The following FRMD3 variants were observed in gnomAD, a reference collection of about 807,000 sequenced individuals.
FRMD3 encodes FERM domain-containing protein 3.
In FRMD3, 33 loss-of-function variants were observed where a neutral mutation model predicts 70.2. That is an observed-to-expected ratio of 0.47 (90% CI 0.36 to 0.63). FRMD3 has a LOEUF of 0.63. FRMD3 is among the 20% of genes least tolerant of loss of function. The pLI is 0.00. For synonymous variants in FRMD3, 279 were observed against 255.9 expected (o/e 1.09, Z -0.86); for missense variants, 632 against 711.4 (o/e 0.89, Z 1.27).
intron 1 of FRMD3, among the ~76,000 whole-genome samples, chr9:83,419,846 T>A (rs1053504888): frequency 6.6e-6 from 1 of 152,244 alleles, no homozygotes; most frequent in Non-Finnish European, 1.5e-5. Flanking sequence ...GTTGTTATTA[T>A]TGTCATTATT....
At chr9:83,479,062 C>G (rs920364221) in intron 1 of FRMD3, among the ~76,000 whole-genome samples, 1 of 151,926 alleles carries the variant, frequency 6.6e-6, no homozygotes, top group Admixed American at 6.6e-5. Flanking sequence ...AAAAACTATA[C>G]ATCAATAAGA....
At chr9:83,317,469 C>T (rs1388190479) in intron 6 of FRMD3, among the ~76,000 whole-genome samples, 2 of 152,120 alleles carry the variant, frequency 1.3e-5, no homozygotes, top group Non-Finnish European at 2.9e-5. Flanking sequence ...CATTCTACCA[C>T]CCACTAATAA....
intron 1 of FRMD3, among the ~76,000 whole-genome samples, chr9:83,397,813 A>G (rs1305035318): frequency 6.6e-6 from 1 of 152,190 alleles, no homozygotes; most frequent in Non-Finnish European, 1.5e-5. Flanking sequence ...ACCTGGAAGG[A>G]AGAATCCAAT....
At chr9:83,336,379 C>A (rs1462364508) in intron 5 of FRMD3, among the ~76,000 whole-genome samples, 1 of 151,008 alleles carries the variant, frequency 6.6e-6, no homozygotes, top group Non-Finnish European at 1.5e-5. Context: ...TTTCCAAATG[C>A]TCCCCAGGAT....
chr9:83,320,085 A>C (rs1835736195), intron 6 of FRMD3, among the ~76,000 whole-genome samples: 1 of 152,194 alleles, frequency 6.6e-6, no homozygotes, highest in Admixed American at 6.5e-5. Context: ...TCTAGATAGA[A>C]ACCATACCAT....
chr9:83,243,402 C>CTT (rs1831945038), downstream of FRMD3, among the ~76,000 whole-genome samples: 1 of 152,218 alleles, frequency 6.6e-6, no homozygotes, highest in African/African-American at 2.4e-5. Context: ...CTCCCCAGTA[C>CTT]TTTTTCTCCA....
At chr9:83,517,494 C>CAAAAAAAAAAAAAAAAAAAAAAAA (rs59178344) in intron 1 of FRMD3, among the ~76,000 whole-genome samples, 1 of 65,524 alleles carries the variant, frequency 1.5e-5, no homozygotes, top group Non-Finnish European at 2.7e-5. Flanking sequence ...CCTACCAATC[C>CAAAAAAAAAAAAAAAAAAAAAAAA]AAAAAAAAAA....
intron 6 of FRMD3, among the ~76,000 whole-genome samples, chr9:83,333,472 C>T (rs1823465048): frequency 6.6e-6 from 1 of 152,200 alleles, no homozygotes; most frequent in African/African-American, 2.4e-5. Context: ...GCCCAGGGTC[C>T]AAGCTACAGC....
intron 1 of FRMD3, among the ~76,000 whole-genome samples, chr9:83,471,547 G>A (rs1406359181): frequency 6.6e-6 from 1 of 152,178 alleles, no homozygotes; most frequent in East Asian, 1.9e-4. Flanking sequence ...AAGGCTGGAT[G>A]AGCAGGTCCA....
intron 1 of FRMD3, among the ~76,000 whole-genome samples, chr9:83,510,004 C>A (rs1011166075): frequency 1.3e-5 from 2 of 152,066 alleles, no homozygotes; most frequent in African/African-American, 2.4e-5. Context: ...TGCTTTAAAT[C>A]TTCATTTTTC....
intron 1 of FRMD3, among the ~76,000 whole-genome samples, chr9:83,397,292 T>G (rs910228523): frequency 6.6e-6 from 1 of 152,194 alleles, no homozygotes; most frequent in Admixed American, 6.5e-5. Context: ...CTCAATTCCC[T>G]GATCACTGGA....
the FRMD3 span, among the ~76,000 whole-genome samples, chr9:83,551,141 G>T: frequency 6.6e-6 from 1 of 151,996 alleles, no homozygotes; most frequent in Non-Finnish European, 1.5e-5. Flanking sequence ...TTTTTCTGGG[G>T]TATGTTCTTT....
chr9:83,354,719 C>T (rs1824279846), intron 3 of FRMD3, among the ~76,000 whole-genome samples: 1 of 151,976 alleles, frequency 6.6e-6, no homozygotes, highest in Non-Finnish European at 1.5e-5. Context: ...GTATAAAAAT[C>T]AAAATAAATA....
At chr9:83,551,911 A>T in the FRMD3 span, among the ~76,000 whole-genome samples, 2 of 95,314 alleles carry the variant, frequency 2.1e-5, no homozygotes, top group African/African-American at 6.8e-5. Context: ...GATTTTTTTC[A>T]AAAAAAAAAA....
At chr9:83,343,850 G>A (rs997030151) in intron 4 of FRMD3, among the ~76,000 whole-genome samples, 1 of 152,046 alleles carries the variant, frequency 6.6e-6, no homozygotes, top group Non-Finnish European at 1.5e-5. Flanking sequence ...CTCCAGGGAT[G>A]GCACACTCAG....
chr9:83,512,573 T>C (rs1190047241), intron 1 of FRMD3, among the ~76,000 whole-genome samples: 3 of 152,180 alleles, frequency 2.0e-5, no homozygotes, highest in Admixed American at 6.5e-5. Flanking sequence ...GAAATGACCG[T>C]AGGGACTACT....
intron 1 of FRMD3, among the ~76,000 whole-genome samples, chr9:83,432,184 C>A (rs1046262804): frequency 2.0e-5 from 3 of 152,316 alleles, no homozygotes; most frequent in African/African-American, 7.2e-5. Flanking sequence ...CTCTGGATGC[C>A]TAGCCTTGTC....
intron 1 of FRMD3, among the ~76,000 whole-genome samples, chr9:83,516,874 T>G (rs752234946): frequency 6.6e-6 from 1 of 152,184 alleles, no homozygotes; most frequent in South Asian, 2.1e-4. Context: ...GAATTTCTAC[T>G]GGGTAAATAA....
chr9:83,302,899 C>T (rs189540256), intron 10 of FRMD3, among the ~76,000 whole-genome samples: 15 of 152,260 alleles, frequency 9.9e-5, no homozygotes, highest in Admixed American at 8.5e-4. Context: ...TTCCACCCGC[C>T]GTCTCCCACT....
Sources: gnomAD v4.1 joint callset for allele counts (sites outside exome capture counted in the v4.1 genomes callset) on GRCh38, gnomAD v4.1.1 for gene constraint, MANE v1.5 for transcripts, NCBI Gene and HGNC (gene_info 2026-07-23, HGNC 2026-07-21) for gene names.